RSRC1: variants seen among roughly 807,000 people sequenced by gnomAD.
RSRC1 encodes serine/Arginine-related protein 53.
In RSRC1, 39 loss-of-function variants were observed where a neutral mutation model predicts 49.1. The ratio of observed to expected loss-of-function variants is 0.79; its 90% confidence interval spans 0.61 to 1.04. The LOEUF (loss-of-function observed/expected upper bound fraction) is 1.04. Ranked by LOEUF, RSRC1 falls within the 50% of genes least tolerant of loss-of-function variation. The pLI, the probability that RSRC1 is intolerant of heterozygous loss-of-function variation, is 0.00. For missense variants in RSRC1, 388 were observed against 402.4 expected, an observed-to-expected ratio of 0.96 and a Z score of 0.31; for synonymous variants, 143 against 130.8, an observed-to-expected ratio of 1.09 and a Z score of -0.63.
chr3:158,346,566 A>T (rs887212774), intron 5 of RSRC1, among the ~76,000 whole-genome samples: 1 of 152,184 alleles, frequency 6.6e-6, no homozygotes, highest in South Asian at 2.1e-4. Flanking sequence ...GGAAATATAG[A>T]CCACAATGAG....
intron 6 of RSRC1, among the ~76,000 whole-genome samples, chr3:158,438,374 A>T (rs1298618574): frequency 6.6e-6 from 1 of 152,104 alleles, no homozygotes; most frequent in Non-Finnish European, 1.5e-5. Context: ...AATCCTAAGC[A>T]AAAAGAACAA....
At chr3:158,529,214 G>GTGTGTATATATATATATATATATA (rs374368016) in intron 7 of RSRC1, among the ~76,000 whole-genome samples, 207 of 143,068 alleles carry the variant, frequency 1.4e-3, no homozygotes, top group African/African-American at 5.1e-3. Context: ...ATGTGTGTGT[G>GTGTGTATATATATATATATATATA]TATATATATA....
At chr3:158,481,189 G>A (rs1191247011) in intron 7 of RSRC1, among the ~76,000 whole-genome samples, 5 of 150,532 alleles carry the variant, frequency 3.3e-5, no homozygotes, top group African/African-American at 1.2e-4. Flanking sequence ...GGCATAGATT[G>A]TTCTTTATTC....
chr3:158,314,158 T>A (rs1264165152), intron 5 of RSRC1, among the ~76,000 whole-genome samples: 5 of 152,192 alleles, frequency 3.3e-5, no homozygotes, highest in Non-Finnish European at 5.9e-5. Context: ...TGGCACGATC[T>A]CAGCTCACCG....
At chr3:158,537,758 C>G (rs1712793693) in intron 8 of RSRC1, among the ~76,000 whole-genome samples, 1 of 151,470 alleles carries the variant, frequency 6.6e-6, no homozygotes, top group African/African-American at 2.4e-5. Flanking sequence ...AAAAGGCATT[C>G]TAGGAAATAC....
Position 158,228,874 on chromosome 3 carries a change from A to AAC in RSRC1, c.494+25633_494+25634dup, listed in dbSNP as rs142921128. 1.8e-4 allele frequency among the ~76,000 whole-genome samples: 4 copies of AAC among 22,462 alleles called. 1 individual carries two copies. The highest frequency in any genetic ancestry group is 3.3e-4 in the Non-Finnish European group (4 of 12,122). The allele number at this position is 22,462 out of a possible 152,430, so 14.7% of individuals were successfully genotyped here. A position where few individuals can be genotyped will look rare whatever the true frequency, so the allele number is the denominator to read the frequency against. On this transcript the variant is annotated intron_variant, in intron 4 of 9. Coordinates refer to ENST00000611884, the MANE Select transcript of RSRC1 (RefSeq NM_001271838.2). ...ACACATACGTGTATATATGTATATAAACACATACGTGTAATGTGTATATAA... is the reference window on the plus strand; with the variant it reads ...ACACATACGTGTATATATGTATATAAACACACATACGTGTAATGTGTATATAA...
In RSRC1 at chr3:158,487,567, A is replaced by G. The variant is rs144223298; in HGVS notation, c.652+26564A>G. Among the ~76,000 whole-genome samples, 275 of 152,290 alleles carry G rather than the reference A, an allele frequency of 1.8e-3. 1 individual carries two copies. Among genetic ancestry groups the G allele is most frequent in the African/African-American group, 6.4e-3 (268 of 41,570 alleles). On this transcript the variant is annotated intron_variant, in intron 7 of 9. Transcript: ENST00000611884. ...GTCCTCAACTGGCTATCAGGAAAAC[A>G]TTTAAAGATCACTTGAGGAAGGAAT...
chr3:158,330,833 T>A (rs559023891), intron 5 of RSRC1, among the ~76,000 whole-genome samples: 1 of 151,938 alleles, frequency 6.6e-6, no homozygotes, highest in South Asian at 2.1e-4. Context: ...TTTACATCTG[T>A]ATTAGTCTGT....
At chr3:158,426,161 A>C (rs2108348264) in intron 6 of RSRC1, among the ~76,000 whole-genome samples, 1 of 151,888 alleles carries the variant, frequency 6.6e-6, no homozygotes, top group East Asian at 1.9e-4. Context: ...TTTGTGATCT[A>C]GGGATAGGGA....
chr3:158,163,886 C>T lies in RSRC1; in HGVS notation c.321-39186C>T, dbSNP rs1358451426. ...CCAGCACCGTGAAAAGTAAATAGAA[C>T]GTAGAAGAATAAATGAATGAATGAA... On this transcript the variant is annotated intron_variant, in intron 3 of 9. Coordinates refer to ENST00000611884, the MANE Select transcript of RSRC1 (RefSeq NM_001271838.2). Among the ~76,000 whole-genome samples the T allele has an allele frequency of 4.6e-5, 7 of 151,428 alleles. No homozygotes were observed. The South Asian group carries it at 6.3e-4, about 14-fold the overall frequency.
Position 158,435,631 on chromosome 3 carries a change from AT to A in RSRC1, c.584-25301del, listed in dbSNP as rs566658627. Among the ~76,000 whole-genome samples the A allele has an allele frequency of 1.7e-4, 26 of 151,808 alleles. No individual in the cohort carries two copies. In the East Asian group the frequency reaches 2.7e-3, roughly 16 times the overall value. ...AAAGATATATAATTTAAAGGTATATATTTACTTTCACTTTGAAAGTATATAT... is the reference window on the plus strand; with the variant it reads ...AAAGATATATAATTTAAAGGTATATATTACTTTCACTTTGAAAGTATATAT... On this transcript the variant is annotated intron_variant, in intron 6 of 9. Coordinates refer to ENST00000611884, the MANE Select transcript of RSRC1 (RefSeq NM_001271838.2).
At chr3:158,487,511 G>T (rs1426208525) in intron 7 of RSRC1, among the ~76,000 whole-genome samples, 1 of 152,122 alleles carries the variant, frequency 6.6e-6, no homozygotes, top group Non-Finnish European at 1.5e-5. Flanking sequence ...GAACTTGGTT[G>T]TTATTCCTGG....
chr3:158,479,220 A>G (rs1253561118), intron 7 of RSRC1, among the ~76,000 whole-genome samples: 1 of 149,450 alleles, frequency 6.7e-6, no homozygotes, highest in Non-Finnish European at 1.5e-5. Flanking sequence ...GCTTTTAAAT[A>G]TAGTATTATT....
intron 6 of RSRC1, among the ~76,000 whole-genome samples, chr3:158,382,789 T>C (rs1394478629): frequency 1.3e-5 from 2 of 152,232 alleles, no homozygotes; most frequent in Non-Finnish European, 2.9e-5. Flanking sequence ...TAGATGAATA[T>C]GCAGTATTTT....
intron 4 of RSRC1, among the ~76,000 whole-genome samples, chr3:158,246,900 A>G (rs1397835169): frequency 2.6e-5 from 4 of 151,968 alleles, no homozygotes; most frequent in Admixed American, 1.3e-4. Flanking sequence ...GGTTCTCTGC[A>G]TTTTCTGAAT....
intron 9 of RSRC1, 78 bp from the exon 10 acceptor site, chr3:158,544,105 G>A: frequency 1.1e-6 from 1 of 925,836 alleles, no homozygotes; most frequent in Non-Finnish European, 1.7e-6. Flanking sequence ...ATTCTACAAA[G>A]GTGAGTTCTG....
At chr3:158,465,484 A>G (rs1005856475) in intron 7 of RSRC1, among the ~76,000 whole-genome samples, 11 of 152,124 alleles carry the variant, frequency 7.2e-5, no homozygotes, top group Admixed American at 2.0e-4. Flanking sequence ...CCTTTATAAG[A>G]AAGTAGGAGT....
At chr3:158,388,231 A>C (rs1313110927) in intron 6 of RSRC1, among the ~76,000 whole-genome samples, 2 of 151,830 alleles carry the variant, frequency 1.3e-5, no homozygotes, top group African/African-American at 4.8e-5. Context: ...TTCCATTATA[A>C]AATGGGAGCT....
intron 4 of RSRC1, among the ~76,000 whole-genome samples, chr3:158,239,964 A>C (rs1229668342): frequency 6.6e-6 from 1 of 152,182 alleles, no homozygotes; most frequent in Non-Finnish European, 1.5e-5. Flanking sequence ...AAGTTCCAAA[A>C]AAACAACTTG....
Sources: gnomAD v4.1 joint callset for allele counts (sites outside exome capture counted in the v4.1 genomes callset) on GRCh38, gnomAD v4.1.1 for gene constraint, MANE v1.5 for transcripts, NCBI Gene and HGNC (gene_info 2026-07-23, HGNC 2026-07-21) for gene names.